ASAP3: variants seen among roughly 807,000 people sequenced by gnomAD.
ASAP3 encodes the protein arf-GAP with SH3 domain, ANK repeat and PH domain-containing protein 3.
A neutral mutation model predicts 118.2 loss-of-function variants in ASAP3; 85 were observed. The ratio of observed to expected loss-of-function variants is 0.72; its 90% confidence interval spans 0.60 to 0.86. The LOEUF (loss-of-function observed/expected upper bound fraction) is 0.86, where lower values mean the gene tolerates loss of function less well. Among genes scored for constraint, ASAP3 ranks in the 40% least tolerant of loss-of-function variants. The probability of loss-of-function intolerance (pLI) is 0.00; values close to 1 mark genes in which losing one functional copy is unlikely to be tolerated. For missense variants in ASAP3, 1,026 were observed against 1,175.0 expected (o/e 0.87, Z 1.85); for synonymous variants, 432 against 477.4 (o/e 0.90, Z 1.24).
At chr1:23,445,338 A>T (rs1339436371) in intron 5 of ASAP3, among the ~76,000 whole-genome samples, 1 of 152,188 alleles carries the variant, frequency 6.6e-6, no homozygotes, top group East Asian at 1.9e-4. Context: ...GAAAAATTTA[A>T]AAATGATCCA....
chr1:23,470,175 T>C (rs1443282793), intron 1 of ASAP3, among the ~76,000 whole-genome samples: 1 of 152,150 alleles, frequency 6.6e-6, no homozygotes, highest in African/African-American at 2.4e-5. Context: ...ATCTGTCCAA[T>C]TTTGAGCTAA....
At chr1:23,460,528 C>CAAAA (rs1558161244) in intron 1 of ASAP3, among the ~76,000 whole-genome samples, 1 of 140,364 alleles carries the variant, frequency 7.1e-6, no homozygotes, top group African/African-American at 2.7e-5. Context: ...AAAAAAAAAC[C>CAAAA]AAACAAAAAC....
In ASAP3 at chr1:23,436,511, A is replaced by G. The variant is rs988360637; in HGVS notation, c.1571+49T>C. 4 of 1,587,336 alleles carry G rather than the reference A, an allele frequency of 2.5e-6. No individual in the cohort carries two copies. Among genetic ancestry groups the G allele is most frequent in the Middle Eastern group, 1.7e-4 (1 of 6,046 alleles). ...TTTTCTACGACCCTGGACACTGCGGAGGCAGAATCCCCTAGGCAGGGTGCC... is the reference window on the plus strand; with the variant it reads ...TTTTCTACGACCCTGGACACTGCGGGGGCAGAATCCCCTAGGCAGGGTGCC... On this transcript the variant is annotated intron_variant, in intron 16 of 24. Coordinates refer to ENST00000336689, the MANE Select transcript of ASAP3 (RefSeq NM_017707.4). This position sits in a 1 kb window ranked among gnomAD's most constrained non-coding sequence, Gnocchi z 4.2.
chr1:23,454,387 T>A (rs773857796), intron 3 of ASAP3, among the ~76,000 whole-genome samples: 1 of 152,194 alleles, frequency 6.6e-6, no homozygotes, highest in Non-Finnish European at 1.5e-5. Flanking sequence ...AGTTTCACCA[T>A]GTTGGCCAGG....
At chr1:23,452,936 G>A (rs750397075) in intron 3 of ASAP3, among the ~76,000 whole-genome samples, 165 bp from the exon 4 acceptor site, 4 of 152,018 alleles carry the variant, frequency 2.6e-5, no homozygotes, top group Non-Finnish European at 5.9e-5. Flanking sequence ...AAGGGGGACC[G>A]TCATGGCAGG....
At chr1:23,473,876 C>G (rs1642034692) in intron 1 of ASAP3, among the ~76,000 whole-genome samples, 2 of 151,930 alleles carry the variant, frequency 1.3e-5, no homozygotes, top group South Asian at 2.1e-4. Context: ...CTAGCCACAC[C>G]CTATGTCTCT....
intron 1 of ASAP3, among the ~76,000 whole-genome samples, chr1:23,463,838 T>G (rs576710644): frequency 6.6e-6 from 1 of 152,190 alleles, no homozygotes; most frequent in East Asian, 1.9e-4. Flanking sequence ...GACCTCGTGA[T>G]CCGCCTGCCT....
Position 23,433,489 on chromosome 1 carries a change from A to C in ASAP3, c.2063T>G (p.Val688Gly), listed in dbSNP as rs774976959. 1.2e-6 allele frequency: 2 copies of C among 1,614,056 alleles called. No individual in the cohort carries two copies. The highest frequency in any genetic ancestry group is 2.2e-5 in the East Asian group (1 of 44,894). Reference protein sequence around the residue: ...QAGTFAFPLHVDYSWVISTEP... With the variant: ...QAGTFAFPLHGDYSWVISTEP... ...TGTGGAAATTACCCAGGAGTAGTCC[A>C]CATGTAGAGGGAAGGCAAAGGTCCC... The change falls in exon 21 of 25, where the codon GTG (valine) becomes GGG (glycine). Residue 688 changes from valine to glycine, a missense_variant. Transcript: ENST00000336689.
intron 10 of ASAP3, among the ~76,000 whole-genome samples, chr1:23,440,125 ATTTT>A (rs539194086): frequency 7.5e-6 from 1 of 133,528 alleles, no homozygotes. Flanking sequence ...CCACAGACTG[ATTTT>A]TTTTTTTTTT....
intron 1 of ASAP3, among the ~76,000 whole-genome samples, chr1:23,461,288 T>C (rs912023081): frequency 6.6e-6 from 1 of 152,126 alleles, no homozygotes; most frequent in Non-Finnish European, 1.5e-5. Flanking sequence ...GGGGAGGCTG[T>C]GTGTATATGG....
At chr1:23,468,049 A>G (rs1641834152) in intron 1 of ASAP3, among the ~76,000 whole-genome samples, 1 of 152,090 alleles carries the variant, frequency 6.6e-6, no homozygotes, top group South Asian at 2.1e-4. Context: ...ACCATTTCAG[A>G]CACACAGCAT....
intron 6 of ASAP3, 97 bp downstream of exon 6, chr1:23,442,404 G>A (rs879344824): frequency 3.5e-5 from 55 of 1,590,082 alleles, no homozygotes; most frequent in Non-Finnish European, 4.5e-5. Flanking sequence ...AGGGCCATGT[G>A]GCCAGGACCT....
rs151178317 is a variant in ASAP3, at chr1:23,444,327, A to G, written c.474-1715T>C. ...CTGGAAATCCCACGCCCAGCAGACTACCCACTCACAGCCAGGAGAGTATTT... is the reference window on the plus strand; with the variant it reads ...CTGGAAATCCCACGCCCAGCAGACTGCCCACTCACAGCCAGGAGAGTATTT... On this transcript the variant is annotated intron_variant, in intron 5 of 24. Coordinates refer to ENST00000336689, the MANE Select transcript of ASAP3 (RefSeq NM_017707.4). Among the ~76,000 whole-genome samples, 280 of 152,248 alleles carry G rather than the reference A, an allele frequency of 1.8e-3. 10 individuals carry two copies. The East Asian group carries it at 0.045, about 24-fold the overall frequency.
At chr1:23,468,808 T>C (rs1333157809) in intron 1 of ASAP3, among the ~76,000 whole-genome samples, 1 of 140,730 alleles carries the variant, frequency 7.1e-6, no homozygotes, top group East Asian at 2.1e-4. Flanking sequence ...GAGGTGGGGG[T>C]TGTAGTGAGC....
Position 23,437,206 on chromosome 1 carries a change from G to C in ASAP3, c.1266C>G (p.His422Gln), listed in dbSNP as rs1308897783. 5 of 1,604,400 alleles carry C rather than the reference G, an allele frequency of 3.1e-6. No homozygotes were observed. Among genetic ancestry groups the C allele is most frequent in the Non-Finnish European group, 1.7e-6 (2 of 1,175,874 alleles). The change falls in exon 14 of 25, where the codon CAC becomes CAG. Residue 422 changes from histidine to glutamine, a missense_variant. Physicochemically the swap from His to Gln is conservative, Grantham distance 24. Transcript: ENST00000336689. The surrounding 1 kb of genome is among the most constrained non-coding windows in gnomAD (Gnocchi z 6.1). ...CCGCGATGAGCAGCTTTGTGAGGTC[G>C]TGCGGCTCCCCATCATGGCCGGCGG... ...WGSAGHDGEP[H>Q]DLTKLLIAEV...
chr1:23,477,039 CAG>C (rs1642151899), intron 1 of ASAP3, among the ~76,000 whole-genome samples: 1 of 151,546 alleles, frequency 6.6e-6, no homozygotes, highest in Non-Finnish European at 1.5e-5. Flanking sequence ...TGTCGGGGGA[CAG>C]AGTCTTGCTC....
At chr1:23,434,880 C>G (rs895416985) in intron 17 of ASAP3, among the ~76,000 whole-genome samples, 7 of 152,170 alleles carry the variant, frequency 4.6e-5, no homozygotes, top group African/African-American at 1.7e-4. Context: ...GGCTCCTCTC[C>G]CTGATCGCAC....
Position 23,435,838 on chromosome 1 carries a change from G to C in ASAP3, c.1749+13C>G, listed in dbSNP as rs753426489. On this transcript the variant is annotated intron_variant, in intron 17 of 24. Coordinates refer to ENST00000336689, the MANE Select transcript of ASAP3 (RefSeq NM_017707.4). ...ACAGGTGGGTTATAAGTGGCCCTTG[G>C]AGGGGTTCTCACCTGTGCATCAGGC... is the stretch of plus-strand genomic sequence containing the variant. The C allele has an allele frequency of 6.2e-7, 1 of 1,614,246 alleles. No homozygotes were observed. The highest frequency in any genetic ancestry group is 2.2e-5 in the East Asian group (1 of 44,880).
chr1:23,478,759 C>CA (rs911508853), intron 1 of ASAP3, among the ~76,000 whole-genome samples: 45 of 143,664 alleles, frequency 3.1e-4, no homozygotes, highest in Middle Eastern at 3.5e-3. Context: ...GACTCTGTCT[C>CA]AAAAAAAAAA....
Sources: gnomAD v4.1 joint callset for allele counts (sites outside exome capture counted in the v4.1 genomes callset) on GRCh38, gnomAD v4.1.1 for gene constraint, Gnocchi (gnomAD v3.1) non-coding constraint, MANE v1.5 for transcripts, NCBI Gene and HGNC (gene_info 2026-07-23, HGNC 2026-07-21) for gene names.